The following ADCY5 variants were observed in gnomAD, a reference collection of about 807,000 sequenced individuals.
The protein encoded by ADCY5 is adenylate cyclase type 5.
A neutral mutation model predicts 119.7 loss-of-function variants in ADCY5; 30 were observed. The observed-to-expected ratio is 0.25, with a 90% confidence interval of 0.19 to 0.34. ADCY5 has a LOEUF of 0.34. ADCY5 is among the 10% of genes least tolerant of loss of function. The probability of loss-of-function intolerance (pLI) is 1.00; values close to 1 mark genes in which losing one functional copy is unlikely to be tolerated. For missense variants in ADCY5, 1,324 were observed against 1,775.2 expected (o/e 0.75, Z 4.57); for synonymous variants, 753 against 762.2 (o/e 0.99, Z 0.20).
chr3:123,380,185 C>T (rs1261347053), intron 1 of ADCY5, among the ~76,000 whole-genome samples: 1 of 152,168 alleles, frequency 6.6e-6, no homozygotes, highest in East Asian at 1.9e-4. Context: ...AAAAATAAGC[C>T]AGAAAAATCC....
At chr3:123,431,870 C>T (rs1039580728) in intron 1 of ADCY5, among the ~76,000 whole-genome samples, 28 of 152,306 alleles carry the variant, frequency 1.8e-4, no homozygotes, top group African/African-American at 6.7e-4. Flanking sequence ...ATAAATCAGA[C>T]TCGGTGTCAT....
intron 12 of ADCY5, among the ~76,000 whole-genome samples, chr3:123,307,255 G>A (rs1451887318): frequency 4.6e-5 from 7 of 152,052 alleles, no homozygotes; most frequent in Non-Finnish European, 8.8e-5. Context: ...ATATTATGTC[G>A]CAATGAAGCT....
At chr3:123,329,432 CCAGT>C (rs2108394784) in intron 5 of ADCY5, among the ~76,000 whole-genome samples, 1 of 152,222 alleles carries the variant, frequency 6.6e-6, no homozygotes, top group South Asian at 2.1e-4. Flanking sequence ...CTGGGAGCTC[CCAGT>C]AGACAGGGCA....
At chr3:123,412,403 A>G (rs1945075508) in intron 1 of ADCY5, among the ~76,000 whole-genome samples, 1 of 152,220 alleles carries the variant, frequency 6.6e-6, no homozygotes, top group Non-Finnish European at 1.5e-5. Flanking sequence ...TAGATGCCAG[A>G]CAACGCAACC....
chr3:123,384,116 G>C (rs1278957791), intron 1 of ADCY5, among the ~76,000 whole-genome samples: 1 of 152,118 alleles, frequency 6.6e-6, no homozygotes, highest in Non-Finnish European at 1.5e-5. Context: ...AACCCAATAA[G>C]AAACTCCCAA....
chr3:123,289,864 A>G lies in ADCY5; in HGVS notation c.3418T>C (p.Tyr1140His). 1 of 1,614,234 alleles carries G rather than the reference A, an allele frequency of 6.2e-7. No homozygotes were observed. The highest frequency in any genetic ancestry group is 8.5e-7 in the Non-Finnish European group (1 of 1,180,048). ...MAASGLNDST[Y>H]DKVGKTHIKA... Reference sequence around the variant, plus strand: ...ATGTGGGTCTTGCCCACCTTGTCGTAGGTAGAGTCGTTGAGGCCGGAGGCA... The same window carrying G: ...ATGTGGGTCTTGCCCACCTTGTCGTGGGTAGAGTCGTTGAGGCCGGAGGCA... The change falls in exon 19 of 21, where the codon TAC becomes CAC. Residue 1140 changes from tyrosine to histidine, a missense_variant. Around this residue, in one of 6 missense-constraint regions of ADCY5, gnomAD observed 178 missense variants for 329.6 expected, o/e 0.54. Transcript: ENST00000462833.
intron 1 of ADCY5, among the ~76,000 whole-genome samples, chr3:123,410,337 C>T (rs1030377890): frequency 3.3e-5 from 5 of 152,038 alleles, no homozygotes; most frequent in Non-Finnish European, 7.4e-5. Flanking sequence ...TCCCCCAACC[C>T]TTATCCCCCA....
Position 123,289,765 on chromosome 3 carries a change from AG to A in ADCY5, c.3516del (p.Phe1173SerfsTer3). On this transcript the variant is annotated frameshift_variant, in exon 19 of 21. Transcript: ENST00000462833. LOFTEE classifies it high-confidence loss of function. ...CCCCACTCACCGATCTTCATCTGGA[AG>A]TTGTTGAAGGAGTGCTCATTGATGT... Reference protein sequence around the residue: ...MKYINEHSFNNFQMKIGLNIG... With the variant: ...MKYINEHSFNXFQMKIGLNIG... 6.2e-7 allele frequency: 1 copy of A among 1,613,880 alleles called. No individual in the cohort carries two copies. The highest frequency in any genetic ancestry group is 8.5e-7 in the Non-Finnish European group (1 of 1,180,012).
chr3:123,347,827 T>A lies in ADCY5; in HGVS notation c.1361A>T (p.Asp454Val). The A allele has an allele frequency of 6.2e-7, 1 of 1,614,070 alleles. No homozygotes were observed. Among genetic ancestry groups the A allele is most frequent in the South Asian group, 1.1e-5 (1 of 91,076 alleles). Residue 454 changes from aspartate to valine, a missense_variant, in exon 3 of 21, where the codon GAT becomes GTT. Asp to Val is a radical substitution (Grantham distance 152). Coordinates refer to ENST00000462833, the MANE Select transcript of ADCY5 (RefSeq NM_183357.3). Reference sequence around the variant, plus strand: ...GATGTAAATCTTATGGAACATCATATCCTCCTGCTTGGCGTTGATGTCTGC... The same window carrying A: ...GATGTAAATCTTATGGAACATCATAACCTCCTGCTTGGCGTTGATGTCTGC... ...MKADINAKQE[D>V]MMFHKIYIQK...
intron 16 of ADCY5, 113 bp from the exon 17 acceptor site, chr3:123,296,329 C>A: frequency 8.1e-7 from 1 of 1,230,514 alleles, no homozygotes; most frequent in Admixed American, 2.3e-5. Flanking sequence ...CTATACCTTC[C>A]CCTCTTCCTT....
In ADCY5 at chr3:123,303,143, C is replaced by T. The variant is rs1939944858; in HGVS notation, c.2636G>A (p.Cys879Tyr). The T allele has an allele frequency of 6.2e-7, 1 of 1,613,928 alleles. No individual in the cohort carries two copies. Among genetic ancestry groups the T allele is most frequent in the Non-Finnish European group, 8.5e-7 (1 of 1,180,044 alleles). The change falls in exon 14 of 21, where the codon TGT becomes TAT. Residue 879 changes from cysteine (C) to tyrosine (Y), a missense_variant. Cys to Tyr is a radical substitution (Grantham distance 194, BLOSUM62 -2). This residue lies in a region of ADCY5 where 424 missense variants were observed against 546.8 expected (regional missense o/e 0.78). Transcript: ENST00000462833. ...GTTGACGGCCGACTCCGCCACGTGACACGCGTTGACCTGGCTCGCGCTGAT... is the reference window on the plus strand; with the variant it reads ...GTTGACGGCCGACTCCGCCACGTGATACGCGTTGACCTGGCTCGCGCTGAT... ...HNISASQVNA[C>Y]HVAESAVNYS...
chr3:123,445,232 G>A (rs1945791972), intron 1 of ADCY5, among the ~76,000 whole-genome samples: 1 of 152,190 alleles, frequency 6.6e-6, no homozygotes, highest in Non-Finnish European at 1.5e-5. Context: ...AGCCAGTGGG[G>A]GTGGGGAGAG....
In ADCY5 at chr3:123,447,416, T is replaced by A. The variant is rs1945839372; in HGVS notation, c.1130A>T (p.Lys377Met). ...RTNAQDQFLLKQLVSNVLIFS... is the reference protein window; with the variant it reads ...RTNAQDQFLLMQLVSNVLIFS... ...GGTGGCCAGGTCGGCCCCTACCTGC[T>A]TCAGCAGGAACTGGTCCTGGGCGTT... Residue 377 changes from lysine to methionine, a missense_variant, in exon 1 of 21, where the codon AAG (lysine) becomes ATG (methionine). Lys to Met is a moderately conservative substitution (Grantham distance 95, BLOSUM62 -1). This residue lies in a region of ADCY5 where 585 missense variants were observed against 569.9 expected (regional missense o/e 1.03). Coordinates refer to ENST00000462833, the MANE Select transcript of ADCY5 (RefSeq NM_183357.3). 6.4e-7 allele frequency: 1 copy of A among 1,572,664 alleles called. No individual in the cohort carries two copies. The highest frequency in any genetic ancestry group is 8.6e-7 in the Non-Finnish European group (1 of 1,156,786).
In ADCY5 at chr3:123,448,644, G is replaced by A. The variant is rs558918482; in HGVS notation, c.-99C>T. The A allele has an allele frequency of 1.8e-5, 21 of 1,150,138 alleles. No homozygotes were observed. The highest frequency in any genetic ancestry group is 2.2e-5 in the Non-Finnish European group (20 of 909,180). 71.2% of individuals were successfully genotyped at this position (1,150,138 alleles called of 1,614,324 possible). ...CGGCCGAGCAGGGGGACCAGGCTAGGGTCACACGTCGGGGGCGGCCCGGGG... is the reference window on the plus strand; with the variant it reads ...CGGCCGAGCAGGGGGACCAGGCTAGAGTCACACGTCGGGGGCGGCCCGGGG... On this transcript the variant is annotated 5_prime_UTR_variant, in exon 1 of 21. Coordinates refer to ENST00000462833, the MANE Select transcript of ADCY5 (RefSeq NM_183357.3).
chr3:123,397,603 C>T (rs551398847), intron 1 of ADCY5, among the ~76,000 whole-genome samples: 53 of 152,308 alleles, frequency 3.5e-4, no homozygotes, highest in African/African-American at 1.2e-3. Context: ...CACCACTGCA[C>T]TCCAGCCTGA....
chr3:123,343,388 A>T (rs1295793930), intron 3 of ADCY5, among the ~76,000 whole-genome samples: 2 of 152,166 alleles, frequency 1.3e-5, no homozygotes, highest in Non-Finnish European at 2.9e-5. Context: ...CCCATGTTAC[A>T]GGTGAGGAAA....
At chr3:123,361,220 C>G (rs1242486052) in intron 1 of ADCY5, among the ~76,000 whole-genome samples, 1 of 152,112 alleles carries the variant, frequency 6.6e-6, no homozygotes, top group South Asian at 2.1e-4. Flanking sequence ...GAATGTCCTC[C>G]GGGGGCACAC....
Position 123,352,805 on chromosome 3 carries a change from C to T in ADCY5, c.1135-224G>A, listed in dbSNP as rs1050835781. On this transcript the variant is annotated intron_variant, in intron 1 of 20. Transcript: ENST00000462833. This position sits in a 1 kb window ranked among gnomAD's most constrained non-coding sequence, Gnocchi z 4.8. ...TTGGCTGGCTTGTCATGGGATATGT[C>T]CTCTAAAGACACTGAATCACCTAAT... 6.6e-6 allele frequency among the ~76,000 whole-genome samples: 1 copy of T among 152,138 alleles called. No homozygotes were observed. The highest frequency in any genetic ancestry group is 1.5e-5 in the Non-Finnish European group (1 of 68,024).
chr3:123,345,769 G>GACAGACAGACAGACACACACAC (rs57198270), intron 3 of ADCY5, among the ~76,000 whole-genome samples: 6 of 113,832 alleles, frequency 5.3e-5, no homozygotes, highest in African/African-American at 2.4e-4. Flanking sequence ...CAGACAGACA[G>GACAGACAGACAGACACACACAC]ACACACACAC....
Sources: gnomAD v4.1 joint callset for allele counts (sites outside exome capture counted in the v4.1 genomes callset) on GRCh38, gnomAD v4.1.1 for gene constraint, gnomAD v4.1.1 regional missense constraint, Gnocchi (gnomAD v3.1) non-coding constraint, MANE v1.5 for transcripts, NCBI Gene and HGNC (gene_info 2026-07-23, HGNC 2026-07-21) for gene names.